SORL1: variants seen among roughly 807,000 people sequenced by gnomAD.
SORL1 encodes the protein sortilin related receptor 1.
Under a neutral mutation model 273.7 loss-of-function variants are expected in SORL1, and 127 were observed. The ratio of observed to expected loss-of-function variants is 0.46; its 90% CI spans 0.40 to 0.54. The LOEUF (loss-of-function observed/expected upper bound fraction) is 0.54. Ranked by LOEUF, SORL1 falls within the 20% of genes least tolerant of loss-of-function variation. SORL1 has a pLI of 0.00. For missense variants in SORL1, 2,494 were observed against 2,846.1 expected, an observed-to-expected ratio of 0.88 and a Z score of 2.81; for synonymous variants, 1,031 against 1,067.4, an observed-to-expected ratio of 0.97 and a Z score of 0.66.
intron 6 of SORL1, among the ~76,000 whole-genome samples, chr11:121,500,235 G>T (rs1043247432): frequency 2.0e-5 from 3 of 152,180 alleles, no homozygotes; most frequent in Non-Finnish European, 4.4e-5. Flanking sequence ...GCTTGAGGTG[G>T]GTCAGGGTTA....
intron 12 of SORL1, among the ~76,000 whole-genome samples, chr11:121,540,741 G>A (rs1022766187): frequency 6.6e-6 from 1 of 152,146 alleles, no homozygotes; most frequent in Non-Finnish European, 1.5e-5. Flanking sequence ...GCTATGCTTG[G>A]TCATGTACCT....
At chr11:121,480,396 C>T (rs1386343659) in intron 3 of SORL1, among the ~76,000 whole-genome samples, 1 of 151,846 alleles carries the variant, frequency 6.6e-6, no homozygotes, top group African/African-American at 2.4e-5. Context: ...CTAATAACAC[C>T]TGGATTTCTC....
intron 27 of SORL1, among the ~76,000 whole-genome samples, chr11:121,587,294 C>T (rs1194519026): frequency 1.3e-5 from 2 of 152,148 alleles, no homozygotes; most frequent in East Asian, 3.8e-4. Flanking sequence ...GCTAGGTGAG[C>T]CAGCAGGCTG....
At chr11:121,453,586 G>T (rs1483011205) in intron 1 of SORL1, among the ~76,000 whole-genome samples, 1 of 152,180 alleles carries the variant, frequency 6.6e-6, no homozygotes, top group South Asian at 2.1e-4. Context: ...GAGTCAAATT[G>T]TTCCTTTTGA....
At chr11:121,501,087 T>G (rs1277996002) in intron 6 of SORL1, among the ~76,000 whole-genome samples, 1 of 152,216 alleles carries the variant, frequency 6.6e-6, no homozygotes, top group African/African-American at 2.4e-5. Flanking sequence ...ATAAATTATT[T>G]TAACTATGTT....
chr11:121,609,219 A>T (rs1863523613), intron 38 of SORL1: 1 of 152,206 alleles, frequency 6.6e-6, no homozygotes, highest in South Asian at 2.1e-4. Context: ...GCCTGTGAGG[A>T]ATAGGCTCTG....
chr11:121,495,961 G>A (rs1861623084), intron 5 of SORL1, among the ~76,000 whole-genome samples: 1 of 152,182 alleles, frequency 6.6e-6, no homozygotes, highest in South Asian at 2.1e-4. Context: ...AAAATACAGT[G>A]TCTAAGAGGC....
chr11:121,605,453 A>G lies in SORL1; in HGVS notation c.4830A>G (p.Thr1610=), dbSNP rs1863454842. 1.2e-6 allele frequency: 2 copies of G among 1,614,038 alleles called. No individual in the cohort carries two copies. Among genetic ancestry groups the G allele is most frequent in the African/African-American group, 1.3e-5 (1 of 74,924 alleles). ...WKTLETHSNK[T]NTVLKVLKPD... Reference sequence around the variant, plus strand: ...CTCTGGAGACCCACAGCAATAAGACAAACACTGTATTAAAAGTCTTGAAAC... The same window carrying G: ...CTCTGGAGACCCACAGCAATAAGACGAACACTGTATTAAAAGTCTTGAAAC... The change falls in exon 35 of 48, where the codon ACA becomes ACG. Residue 1610 remains threonine, a synonymous_variant. Transcript: ENST00000260197.
chr11:121,513,206 T>C (rs1475624836), intron 7 of SORL1, 102 bp downstream of exon 7: 1 of 869,584 alleles, frequency 1.1e-6, no homozygotes, highest in East Asian at 2.4e-5. Context: ...GGATATTTTA[T>C]GGCGCCTCCC....
In SORL1 at chr11:121,627,669, C is replaced by G. The variant is rs372203239; in HGVS notation, c.6479C>G (p.Thr2160Arg). The change falls in exon 47 of 48, where the codon ACG (threonine) becomes AGG (arginine). Residue 2160 changes from threonine (T) to arginine (R), a missense_variant. Transcript: ENST00000260197. This position sits in a 1 kb window ranked among gnomAD's most constrained non-coding sequence, Gnocchi z 4.9. ...SLGVGFAILYTKHRRLQSSFT... is the reference protein window; with the variant it reads ...SLGVGFAILYRKHRRLQSSFT... ...GGGGTGGGGTTTGCCATCCTGTACA[C>G]GAAGCACCGGAGGCTGCAGAGCAGC... The G allele has an allele frequency of 6.2e-7, 1 of 1,614,088 alleles. No homozygotes were observed. The highest frequency in any genetic ancestry group is 8.5e-7 in the Non-Finnish European group (1 of 1,179,964).
Position 121,577,252 on chromosome 11 carries a change from C to T in SORL1, c.3461-29C>T, listed in dbSNP as rs927082719. ...AAAATTCTGAACAAGCTTTTGTCCT[C>T]ACCTCTCTGTTTATGGTCTCACCTG... On this transcript the variant is annotated intron_variant, in intron 24 of 47. Transcript: ENST00000260197. The T allele has an allele frequency of 2.6e-6, 4 of 1,557,818 alleles. No homozygotes were observed. In the East Asian group the frequency reaches 6.8e-5, roughly 26 times the overall value.
chr11:121,606,492 AC>A (rs1378552633), intron 35 of SORL1, among the ~76,000 whole-genome samples: 1 of 152,186 alleles, frequency 6.6e-6, no homozygotes, highest in African/African-American at 2.4e-5. Context: ...TTTTTGTTGT[AC>A]AAGAAGCAGA....
Position 121,595,491 on chromosome 11 carries a change from G to A in SORL1, c.4370-132G>A. On this transcript the variant is annotated intron_variant, in intron 31 of 47. Coordinates refer to ENST00000260197, the MANE Select transcript of SORL1 (RefSeq NM_003105.6). This position sits in a 1 kb window ranked among gnomAD's most constrained non-coding sequence, Gnocchi z 5.1. ...CTGTATCTACTCTGCTCTCTATCCG[G>A]AACTCGCATTTGTCTTCAGGTTCCC... 1 of 805,012 alleles carries A rather than the reference G, an allele frequency of 1.2e-6. No individual in the cohort carries two copies. Among genetic ancestry groups the A allele is most frequent in the East Asian group, 2.7e-5 (1 of 37,452 alleles). 49.9% of individuals were successfully genotyped at this position (805,012 alleles called of 1,614,324 possible). A position where few individuals can be genotyped will look rare whatever the true frequency, so the allele number is the denominator to read the frequency against.
At chr11:121,586,706 G>GGGGC (rs1863120181) in intron 27 of SORL1, among the ~76,000 whole-genome samples, 1 of 10,360 alleles carries the variant, frequency 9.7e-5, no homozygotes, top group Non-Finnish European at 1.9e-4. Flanking sequence ...GGGGGGGGGC[G>GGGGC]GGGGGGGGGC....
chr11:121,499,915 A>G (rs111465681), intron 6 of SORL1, among the ~76,000 whole-genome samples: 9 of 152,342 alleles, frequency 5.9e-5, no homozygotes, highest in African/African-American at 2.2e-4. Context: ...ATGAATGATT[A>G]CAGTCCTTTG....
rs7129474 is a variant in SORL1 at position 121,629,690 on chromosome 11, A to C, written c.*127A>C. Reference sequence around the variant, plus strand: ...TTTTTATATGGGCCAAAAACAAAAAACAAAAAAAAAAAAAAGGAAAGAAAG... The same window carrying C: ...TTTTTATATGGGCCAAAAACAAAAACCAAAAAAAAAAAAAAGGAAAGAAAG... On this transcript the variant is annotated 3_prime_UTR_variant, in exon 48 of 48. Transcript: ENST00000260197. 8.7e-4 allele frequency: 510 copies of C among 585,816 alleles called. 1 individual carries two copies. The highest frequency in any genetic ancestry group is 2.2e-3 in the Middle Eastern group (5 of 2,250). 36.3% of individuals were successfully genotyped at this position (585,816 alleles called of 1,614,324 possible).
intron 27 of SORL1, 90 bp downstream of exon 27, chr11:121,586,419 G>GTGGTTAGCTTT (rs1863110491): frequency 3.1e-6 from 3 of 976,364 alleles, no homozygotes; most frequent in Non-Finnish European, 5.0e-6. Flanking sequence ...CATTTCCTCA[G>GTGGTTAGCTTT]TACCTGCTTG....
At position 121,524,325 on chromosome 11, in the gene SORL1, G is replaced by A. The variant is rs148964915; in HGVS notation, c.1596+1336G>A. Reference sequence around the variant, plus strand: ...ACATCTGCAAGTGATTTCCTTCTGGGTAGAAAGCAGTGTCTTGTTCCTCCT... The same window carrying A: ...ACATCTGCAAGTGATTTCCTTCTGGATAGAAAGCAGTGTCTTGTTCCTCCT... On this transcript the variant is annotated intron_variant, in intron 11 of 47. Transcript: ENST00000260197. 5.6e-3 allele frequency among the ~76,000 whole-genome samples: 858 copies of A among 152,368 alleles called. 3 individuals are homozygous for A. The highest frequency in any genetic ancestry group is 9.2e-3 in the Non-Finnish European group (626 of 68,044).
intron 3 of SORL1, among the ~76,000 whole-genome samples, chr11:121,483,778 T>C (rs530672957): frequency 6.6e-6 from 1 of 152,226 alleles, no homozygotes; most frequent in South Asian, 2.1e-4. Flanking sequence ...ATCTGACCCT[T>C]TGTATCACAG....
Sources: gnomAD v4.1 joint callset for allele counts (sites outside exome capture counted in the v4.1 genomes callset) on GRCh38, gnomAD v4.1.1 for gene constraint, Gnocchi (gnomAD v3.1) non-coding constraint, MANE v1.5 for transcripts, NCBI Gene and HGNC (gene_info 2026-07-23, HGNC 2026-07-21) for gene names.